Variants in EIF2AK3 observed in about 807,000 individuals in gnomAD.
EIF2AK3 encodes eukaryotic translation initiation factor 2 alpha kinase 3, also known as eukaryotic translation initiation factor 2-alpha kinase 3.
In EIF2AK3, 50 loss-of-function variants were observed where a neutral mutation model predicts 113.5. The ratio of observed to expected loss-of-function variants is 0.44; its 90% CI spans 0.35 to 0.56. The LOEUF is 0.56. Ranked by LOEUF, EIF2AK3 falls within the 20% of genes least tolerant of loss-of-function variation. The pLI, the probability that EIF2AK3 is intolerant of heterozygous loss-of-function variation, is 0.00. For missense variants in EIF2AK3, 1,185 were observed against 1,378.0 expected (o/e 0.86, Z 2.22); for synonymous variants, 448 against 495.4 (o/e 0.90, Z 1.27).
chr2:88,593,008 G>C (rs1236533996), intron 4 of EIF2AK3, among the ~76,000 whole-genome samples: 1 of 152,044 alleles, frequency 6.6e-6, no homozygotes, highest in African/African-American at 2.4e-5. Flanking sequence ...TGGGTGTGGT[G>C]GCACGTGCCT....
At chr2:88,574,516 G>A in intron 13 of EIF2AK3, 150 bp downstream of exon 13, 1 of 882,138 alleles carries the variant, frequency 1.1e-6, no homozygotes, top group South Asian at 1.6e-5. Context: ...TCTTGCAGCA[G>A]GCCCCTTCGA....
intron 2 of EIF2AK3, among the ~76,000 whole-genome samples, chr2:88,604,216 T>C (rs896950185): frequency 2.0e-5 from 3 of 152,176 alleles, no homozygotes; most frequent in African/African-American, 7.2e-5. Context: ...ATGTCTAACA[T>C]AGCTTACTAG....
At chr2:88,571,741 G>T (rs1674315777) in intron 13 of EIF2AK3, among the ~76,000 whole-genome samples, 1 of 152,162 alleles carries the variant, frequency 6.6e-6, no homozygotes, top group South Asian at 2.1e-4. Context: ...GTCTGAGGGG[G>T]ATATAGATTA....
intron 1 of EIF2AK3, chr2:88,624,616 C>T (rs1301120875): frequency 6.6e-6 from 1 of 152,230 alleles, no homozygotes; most frequent in Non-Finnish European, 1.5e-5. Context: ...CTTTCCCTTT[C>T]CCACAGCTTC....
At chr2:88,565,534 G>A (rs542113190) in intron 14 of EIF2AK3, among the ~76,000 whole-genome samples, 53 of 151,210 alleles carry the variant, frequency 3.5e-4, no homozygotes, top group African/African-American at 1.3e-3. Flanking sequence ...TAGAGATGGG[G>A]TTTCGCCATG....
intron 15 of EIF2AK3, among the ~76,000 whole-genome samples, chr2:88,559,603 GGAGAGA>G (rs147739928): frequency 4.7e-5 from 7 of 149,938 alleles, no homozygotes; most frequent in Non-Finnish European, 8.9e-5. Flanking sequence ...AAGAGAAAGG[GGAGAGA>G]GAGAGAGAGA....
chr2:88,608,303 C>T (rs1675339185), intron 2 of EIF2AK3, among the ~76,000 whole-genome samples: 1 of 151,928 alleles, frequency 6.6e-6, no homozygotes, highest in Non-Finnish European at 1.5e-5. Context: ...CTGGGCTCAA[C>T]TGGGCCCAGC....
chr2:88,602,881 T>C (rs2104454637), intron 2 of EIF2AK3, among the ~76,000 whole-genome samples: 1 of 151,884 alleles, frequency 6.6e-6, no homozygotes, highest in Non-Finnish European at 1.5e-5. Context: ...GATGGGTTCA[T>C]AGGTAAAGCA....
rs1031732785 is a variant in EIF2AK3, at chr2:88,583,439, T to C, written c.1754A>G (p.Tyr585Cys). Reference sequence around the variant, plus strand: ...TTTATAAGACTCTTACCGTGATATATATCCAGAGTTTTTTATGTCATTCCA... The same window carrying C: ...TTTATAAGACTCTTACCGTGATATACATCCAGAGTTTTTTATGTCATTCCA... ...SSWNDIKNSG[Y>C]ISRYLTDFEP... is the part of the protein sequence containing the mutation. The change falls in exon 10 of 17, where the codon TAT (tyrosine) becomes TGT (cysteine). Residue 585 changes from tyrosine (Y) to cysteine (C), a missense_variant. Physicochemically the swap from Tyr to Cys is radical, Grantham distance 194 (BLOSUM62 -2). Transcript: ENST00000303236. 1 of 1,609,598 alleles carries C rather than the reference T, an allele frequency of 6.2e-7. No individual in the cohort carries two copies.
intron 2 of EIF2AK3, among the ~76,000 whole-genome samples, chr2:88,604,844 A>T (rs1675230767): frequency 6.6e-6 from 1 of 152,224 alleles, no homozygotes; most frequent in African/African-American, 2.4e-5. Context: ...GCACATGAAG[A>T]ATTATTAGTA....
At chr2:88,583,243 T>A (rs1338841844) in intron 10 of EIF2AK3, among the ~76,000 whole-genome samples, 187 bp downstream of exon 10, 4 of 152,258 alleles carry the variant, frequency 2.6e-5, no homozygotes, top group Non-Finnish European at 5.9e-5. Flanking sequence ...CCTATAACAC[T>A]CTATTTTTAT....
chr2:88,557,527 T>C lies in EIF2AK3; in HGVS notation c.*209A>G, dbSNP rs1279079798. The C allele has an allele frequency of 1.7e-6, 1 of 603,964 alleles. No homozygotes were observed. The highest frequency in any genetic ancestry group is 2.0e-5 in the South Asian group (1 of 50,350). The allele number at this position is 603,964 out of a possible 1,614,324, so 37.4% of individuals were successfully genotyped here. A position where few individuals can be genotyped will look rare whatever the true frequency, so the allele number is the denominator to read the frequency against. On this transcript the variant is annotated 3_prime_UTR_variant, in exon 17 of 17. Coordinates refer to ENST00000303236, the MANE Select transcript of EIF2AK3 (RefSeq NM_004836.7). Reference sequence around the variant, plus strand: ...TCAAGAGACTAACAAAGAACAAAGATAGCCCTTTCCTTAAGTATAGCAAAA... The same window carrying C: ...TCAAGAGACTAACAAAGAACAAAGACAGCCCTTTCCTTAAGTATAGCAAAA...
At chr2:88,586,915 A>C (rs1674745502) in intron 8 of EIF2AK3, among the ~76,000 whole-genome samples, 1 of 150,842 alleles carries the variant, frequency 6.6e-6, no homozygotes, top group African/African-American at 2.4e-5. Flanking sequence ...GATCAATATC[A>C]AGATAAAGGA....
chr2:88,568,807 C>G (rs528359253), intron 14 of EIF2AK3, among the ~76,000 whole-genome samples: 37 of 152,332 alleles, frequency 2.4e-4, no homozygotes, highest in Admixed American at 4.6e-4. Flanking sequence ...ACAATATGCT[C>G]TAGCTGCTCT....
intron 14 of EIF2AK3, among the ~76,000 whole-genome samples, chr2:88,565,330 C>A (rs1456694833): frequency 1.1e-4 from 16 of 150,288 alleles, no homozygotes; most frequent in Non-Finnish European, 1.9e-4. Context: ...GCCACCATGC[C>A]TGGCCAAAAA....
chr2:88,618,557 C>T (rs1237474983), intron 1 of EIF2AK3, among the ~76,000 whole-genome samples: 3 of 152,224 alleles, frequency 2.0e-5, no homozygotes, highest in Non-Finnish European at 4.4e-5. Flanking sequence ...AAGGTTCCCA[C>T]GTCTCATCCT....
At chr2:88,561,050 G>C (rs1022839559) in intron 15 of EIF2AK3, among the ~76,000 whole-genome samples, 1 of 152,068 alleles carries the variant, frequency 6.6e-6, no homozygotes, top group Non-Finnish European at 1.5e-5. Flanking sequence ...GCCCAGGCTG[G>C]AGTGCAGTGG....
chr2:88,570,637 T>C (rs1421821160), intron 14 of EIF2AK3, among the ~76,000 whole-genome samples: 6 of 152,162 alleles, frequency 3.9e-5, no homozygotes. Context: ...GTCAGGTGCT[T>C]GTTCAGGGGG....
chr2:88,588,932 ATT>A, intron 6 of EIF2AK3, 31 bp from the exon 7 acceptor site: 1 of 1,610,144 alleles, frequency 6.2e-7, no homozygotes, highest in African/African-American at 1.3e-5. Context: ...TCAATTATGC[ATT>A]GATTTTTTTA....
Sources: gnomAD v4.1 joint callset for allele counts (sites outside exome capture counted in the v4.1 genomes callset) on GRCh38, gnomAD v4.1.1 for gene constraint, MANE v1.5 for transcripts, NCBI Gene and HGNC (gene_info 2026-07-23, HGNC 2026-07-21) for gene names.